Variants in SGMS1 observed in about 807,000 individuals in gnomAD.
SGMS1 encodes the protein phosphatidylcholine:ceramide cholinephosphotransferase 1.
SGMS1 carries 13 observed loss-of-function variants against 46.2 expected under a neutral mutation model. The ratio of observed to expected loss-of-function variants is 0.28; its 90% CI spans 0.18 to 0.45. The LOEUF is 0.45. Among genes scored for constraint, SGMS1 ranks in the 20% least tolerant of loss-of-function variants. The pLI, the probability that SGMS1 is intolerant of heterozygous loss-of-function variation, is 1.00. For missense variants in SGMS1, 324 were observed against 519.9 expected, an observed-to-expected ratio of 0.62 and a Z score of 3.66; for synonymous variants, 203 against 187.8, an observed-to-expected ratio of 1.08 and a Z score of -0.66.
intron 6 of SGMS1, among the ~76,000 whole-genome samples, chr10:50,373,607 G>C (rs536255136): frequency 5.9e-5 from 9 of 152,092 alleles, no homozygotes; most frequent in African/African-American, 2.2e-4. Context: ...CAGTATAAAA[G>C]ACAAATAAGG....
intron 3 of SGMS1, among the ~76,000 whole-genome samples, chr10:50,504,769 A>T (rs1837692882): frequency 6.6e-6 from 1 of 152,150 alleles, no homozygotes; most frequent in South Asian, 2.1e-4. Flanking sequence ...AACATTTCTG[A>T]GTTATTATTC....
At chr10:50,337,232 C>A (rs11598794) in intron 7 of SGMS1, among the ~76,000 whole-genome samples, 16,211 of 152,144 alleles carry the variant, frequency 0.11, 940 homozygotes, top group Middle Eastern at 0.16. Context: ...CAGAATATAA[C>A]CCCCATTCAA....
chr10:50,356,174 G>T (rs971035277), intron 6 of SGMS1, among the ~76,000 whole-genome samples: 7 of 152,248 alleles, frequency 4.6e-5, no homozygotes, highest in Admixed American at 2.6e-4. Context: ...TGTGTAGAAA[G>T]AAGTAGACAT....
intron 5 of SGMS1, among the ~76,000 whole-genome samples, chr10:50,457,786 T>C (rs1033146820): frequency 6.6e-6 from 1 of 152,200 alleles, no homozygotes; most frequent in Non-Finnish European, 1.5e-5. Context: ...AAATTTTCTA[T>C]GTAGAATCAG....
At chr10:50,468,612 C>T (rs1415650928) in intron 3 of SGMS1, among the ~76,000 whole-genome samples, 1 of 152,164 alleles carries the variant, frequency 6.6e-6, no homozygotes, top group Non-Finnish European at 1.5e-5. Flanking sequence ...TCAGAGATAG[C>T]CACAGATGCA....
intron 2 of SGMS1, among the ~76,000 whole-genome samples, chr10:50,538,110 A>G (rs1322253327): frequency 6.6e-6 from 1 of 150,438 alleles, no homozygotes; most frequent in Non-Finnish European, 1.5e-5. Flanking sequence ...CTCTGGAAAT[A>G]CAGAGATTAA....
intron 6 of SGMS1, among the ~76,000 whole-genome samples, chr10:50,426,465 A>G (rs1368381928): frequency 6.6e-6 from 1 of 152,220 alleles, no homozygotes; most frequent in African/African-American, 2.4e-5. Flanking sequence ...AGTCATACCC[A>G]TGAAGTTACC....
intron 2 of SGMS1, 103 bp downstream of exon 2, chr10:50,590,050 C>T (rs921455168): frequency 2.0e-5 from 3 of 152,300 alleles, no homozygotes; most frequent in African/African-American, 7.2e-5. Flanking sequence ...ACTGTTAAAG[C>T]TAAGGTGTAG....
chr10:50,601,820 G>C (rs1326703376), intron 1 of SGMS1, among the ~76,000 whole-genome samples: 1 of 152,134 alleles, frequency 6.6e-6, no homozygotes. Context: ...AGATATTTTG[G>C]GAATGGGACC....
intron 2 of SGMS1, among the ~76,000 whole-genome samples, chr10:50,579,459 CACTGAAA>C (rs1472931806): frequency 6.6e-6 from 1 of 151,886 alleles, no homozygotes; most frequent in African/African-American, 2.4e-5. Context: ...AATTTCAGAA[CACTGAAA>C]ATAAAGAAAA....
At chr10:50,322,612 C>T (rs1847464444) in intron 8 of SGMS1, among the ~76,000 whole-genome samples, 1 of 151,046 alleles carries the variant, frequency 6.6e-6, no homozygotes, top group Non-Finnish European at 1.5e-5. Flanking sequence ...GCGGGTGGAT[C>T]ATGAGGTCAG....
At chr10:50,489,895 A>T (rs1030363262) in intron 3 of SGMS1, among the ~76,000 whole-genome samples, 4 of 152,104 alleles carry the variant, frequency 2.6e-5, no homozygotes, top group Non-Finnish European at 5.9e-5. Context: ...AATGGCTTGA[A>T]CCCAGGAGGT....
chr10:50,572,919 T>C (rs924786596), intron 2 of SGMS1, among the ~76,000 whole-genome samples: 1 of 152,212 alleles, frequency 6.6e-6, no homozygotes, highest in Non-Finnish European at 1.5e-5. Context: ...CTCAGAACTT[T>C]CTGTCCCTAT....
intron 5 of SGMS1, among the ~76,000 whole-genome samples, chr10:50,446,012 T>G (rs1342860073): frequency 6.6e-6 from 1 of 152,186 alleles, no homozygotes; most frequent in Admixed American, 6.5e-5. Context: ...TCTCCCCTAG[T>G]GCTCCCAGGC....
At chr10:50,528,339 T>G (rs986112384) in intron 2 of SGMS1, among the ~76,000 whole-genome samples, 2 of 152,202 alleles carry the variant, frequency 1.3e-5, no homozygotes, top group African/African-American at 2.4e-5. Flanking sequence ...ACACAGATTT[T>G]ACTCAATCTT....
chr10:50,339,871 T>A (rs1241668184), intron 7 of SGMS1, among the ~76,000 whole-genome samples: 1 of 152,192 alleles, frequency 6.6e-6, no homozygotes, highest in Admixed American at 6.5e-5. Context: ...TAGCTAGAGA[T>A]AAGGCAGGAG....
intron 3 of SGMS1, among the ~76,000 whole-genome samples, chr10:50,490,601 C>T (rs1837559099): frequency 6.6e-6 from 1 of 152,160 alleles, no homozygotes; most frequent in African/African-American, 2.4e-5. Flanking sequence ...TCTCAAATTC[C>T]TCAAAGGTAA....
chr10:50,579,713 G>T (rs1214014501), intron 2 of SGMS1, among the ~76,000 whole-genome samples: 1 of 152,180 alleles, frequency 6.6e-6, no homozygotes, highest in East Asian at 1.9e-4. Context: ...CCTCCCATAT[G>T]AAATTTTCTA....
At chr10:50,333,821 A>G (rs535914328) in intron 7 of SGMS1, among the ~76,000 whole-genome samples, 2 of 152,348 alleles carry the variant, frequency 1.3e-5, no homozygotes, top group African/African-American at 4.8e-5. Flanking sequence ...AAAATGAGAC[A>G]TACCTGTGCA....
Sources: gnomAD v4.1 joint callset for allele counts (sites outside exome capture counted in the v4.1 genomes callset) on GRCh38, gnomAD v4.1.1 for gene constraint, MANE v1.5 for transcripts, NCBI Gene and HGNC (gene_info 2026-07-23, HGNC 2026-07-21) for gene names.